CSNK1G1: variants seen among roughly 807,000 people sequenced by gnomAD.
CSNK1G1 encodes the protein casein kinase I isoform gamma-1.
In CSNK1G1, 22 loss-of-function variants were observed where a neutral mutation model predicts 59.6. The ratio of observed to expected loss-of-function variants is 0.37; its 90% CI spans 0.26 to 0.53. The LOEUF (loss-of-function observed/expected upper bound fraction) is 0.53, where lower values mean the gene tolerates loss of function less well. CSNK1G1 is among the 20% of genes least tolerant of loss of function. CSNK1G1 has a pLI of 0.89. For synonymous variants in CSNK1G1, 179 were observed against 177.1 expected (o/e 1.01, Z -0.08); for missense variants, 384 against 519.5 (o/e 0.74, Z 2.54).
At chr15:64,326,291 G>T (rs1896830553) in intron 1 of CSNK1G1, among the ~76,000 whole-genome samples, 1 of 152,144 alleles carries the variant, frequency 6.6e-6, no homozygotes, top group African/African-American at 2.4e-5. Context: ...CTCCCAAAGT[G>T]CTGGAATTAT....
intron 10 of CSNK1G1, chr15:64,194,163 T>C (rs2082009049): frequency 6.6e-6 from 1 of 152,076 alleles, no homozygotes; most frequent in African/African-American, 2.4e-5. Flanking sequence ...CCAGGAGGAG[T>C]GTGCAATCTC....
chr15:64,213,918 A>G lies in CSNK1G1; in HGVS notation c.651T>C (p.Tyr217=), dbSNP rs149780928. Residue 217 remains tyrosine, a synonymous_variant, in exon 6 of 12, where the codon TAT becomes TAC. Transcript: ENST00000303052. The part of the protein sequence containing the change: ...EHKSLTGTAR[Y]MSINTHLGKE... ...TGCCAAGATGCGTGTTGATAGACAT[A>G]TATCTTGCAGTTCCAGTTAAACTTT... The G allele has an allele frequency of 3.7e-5, 59 of 1,613,958 alleles. No individual in the cohort carries two copies. The African/African-American group carries it at 6.3e-4, about 17-fold the overall frequency.
intron 1 of CSNK1G1, among the ~76,000 whole-genome samples, chr15:64,317,519 A>G (rs1480226620): frequency 3.0e-5 from 4 of 134,026 alleles, no homozygotes; most frequent in Non-Finnish European, 3.2e-5. Context: ...CATCAAAGTG[A>G]TAAGGTTTCT....
intron 5 of CSNK1G1, among the ~76,000 whole-genome samples, chr15:64,215,427 T>C (rs1716780187): frequency 6.6e-6 from 1 of 151,918 alleles, no homozygotes; most frequent in Non-Finnish European, 1.5e-5. Flanking sequence ...TTAGCCAGGA[T>C]GGTCTCGATC....
chr15:64,235,876 G>A (rs2082607348), intron 4 of CSNK1G1, among the ~76,000 whole-genome samples: 1 of 151,970 alleles, frequency 6.6e-6, no homozygotes, highest in Admixed American at 6.6e-5. Context: ...GACGGTTAAG[G>A]GAAGAAAGAG....
At chr15:64,183,738 CTT>C (rs917788710) in intron 10 of CSNK1G1, among the ~76,000 whole-genome samples, 35 of 141,564 alleles carry the variant, frequency 2.5e-4, no homozygotes, top group Admixed American at 3.5e-4. Context: ...TTATGTTTTT[CTT>C]TTTTTTTTTT....
At chr15:64,287,808 C>A (rs1025164022) in intron 2 of CSNK1G1, among the ~76,000 whole-genome samples, 1 of 152,010 alleles carries the variant, frequency 6.6e-6, no homozygotes, top group Non-Finnish European at 1.5e-5. Context: ...AAATGCCCTG[C>A]TGAAATAAAA....
chr15:64,324,342 C>T (rs1896728132), intron 1 of CSNK1G1, among the ~76,000 whole-genome samples: 1 of 152,160 alleles, frequency 6.6e-6, no homozygotes, highest in African/African-American at 2.4e-5. Context: ...GAGAGGCAGA[C>T]CCACCCTTAA....
At chr15:64,320,061 C>T (rs556723443) in intron 1 of CSNK1G1, among the ~76,000 whole-genome samples, 1 of 151,310 alleles carries the variant, frequency 6.6e-6, no homozygotes, top group South Asian at 2.1e-4. Flanking sequence ...AGCACCATGA[C>T]ATCTGGCTAA....
intron 10 of CSNK1G1, among the ~76,000 whole-genome samples, chr15:64,184,839 G>A (rs1381152241): frequency 6.6e-6 from 1 of 152,092 alleles, no homozygotes; most frequent in Non-Finnish European, 1.5e-5. Context: ...CTGTTTTGAC[G>A]TTCAGACCTG....
In CSNK1G1 at chr15:64,176,766, T is replaced by C. The variant is rs1267361057; in HGVS notation, c.1214+3582A>G. 6.6e-6 allele frequency among the ~76,000 whole-genome samples: 1 copy of C among 152,166 alleles called. No homozygotes were observed. The highest frequency in any genetic ancestry group is 2.4e-5 in the African/African-American group (1 of 41,446). On this transcript the variant is annotated intron_variant, in intron 11 of 11. Coordinates refer to ENST00000303052, the MANE Select transcript of CSNK1G1 (RefSeq NM_022048.5). This position sits in a 1 kb window ranked among gnomAD's most constrained non-coding sequence, Gnocchi z 5.2. ...CTTTGTGCAAGTCCAACATGCCTGATCAAAGCAGCTAGCAGTTAGCTCTTC... is the reference window on the plus strand; with the variant it reads ...CTTTGTGCAAGTCCAACATGCCTGACCAAAGCAGCTAGCAGTTAGCTCTTC...
At chr15:64,253,328 G>C (rs897134359) in intron 3 of CSNK1G1, among the ~76,000 whole-genome samples, 3 of 152,130 alleles carry the variant, frequency 2.0e-5, no homozygotes, top group African/African-American at 7.2e-5. Context: ...CTGGGCGACA[G>C]AGTGAGACCT....
chr15:64,285,873 A>C (rs886198988), intron 2 of CSNK1G1, among the ~76,000 whole-genome samples: 4 of 152,018 alleles, frequency 2.6e-5, no homozygotes, highest in African/African-American at 9.7e-5. Flanking sequence ...AAAAAAAAAA[A>C]CGATGACTTG....
chr15:64,262,054 A>G (rs549687790), intron 2 of CSNK1G1, among the ~76,000 whole-genome samples: 6 of 152,324 alleles, frequency 3.9e-5, no homozygotes, highest in African/African-American at 1.4e-4. Flanking sequence ...TTATGACCTG[A>G]TAAGATCTGT....
chr15:64,301,169 C>T (rs1390435098), intron 1 of CSNK1G1, among the ~76,000 whole-genome samples: 9 of 152,156 alleles, frequency 5.9e-5, no homozygotes, highest in Non-Finnish European at 1.3e-4. Flanking sequence ...ATTTACCAAG[C>T]ACTAGCAAGA....
chr15:64,339,123 A>T (rs898486663), intron 1 of CSNK1G1, among the ~76,000 whole-genome samples: 5 of 152,202 alleles, frequency 3.3e-5, no homozygotes, highest in Non-Finnish European at 5.9e-5. Flanking sequence ...ATTAGCAGTT[A>T]CAAGGGATAC....
At chr15:64,272,122 T>C (rs1219292727) in intron 2 of CSNK1G1, among the ~76,000 whole-genome samples, 1 of 152,208 alleles carries the variant, frequency 6.6e-6, no homozygotes, top group African/African-American at 2.4e-5. Context: ...TCCATCCTTT[T>C]ATTTTGAGCC....
Position 64,226,309 on chromosome 15 carries a change from C to T in CSNK1G1, c.293-9596G>A, listed in dbSNP as rs530901541. On this transcript the variant is annotated intron_variant, in intron 4 of 11. Transcript: ENST00000303052. ...GTGTGGTGGCTCACGCCTGTAATCC[C>T]AGCACTTTGGGAGGCCAAGGTGTAT... is the stretch of plus-strand genomic sequence containing the variant. Among the ~76,000 whole-genome samples the T allele has an allele frequency of 2.6e-5, 4 of 152,224 alleles. No individual in the cohort carries two copies. The South Asian group carries it at 6.2e-4, about 24-fold the overall frequency.
Position 64,217,234 on chromosome 15 carries a change from C to CT in CSNK1G1, c.293-522dup, listed in dbSNP as rs756614186. ...GCAGCCTGGCCCCAGGCCAGCACAA[C>CT]TGGCCCTCTTTTCACAGGGAGTCTC... On this transcript the variant is annotated intron_variant, in intron 4 of 11. Transcript: ENST00000303052. 6.4e-4 allele frequency among the ~76,000 whole-genome samples: 97 copies of CT among 152,336 alleles called. 1 individual carries two copies. The Middle Eastern group carries it at 0.01, about 16-fold the overall frequency.
Sources: gnomAD v4.1 joint callset for allele counts (sites outside exome capture counted in the v4.1 genomes callset) on GRCh38, gnomAD v4.1.1 for gene constraint, Gnocchi (gnomAD v3.1) non-coding constraint, MANE v1.5 for transcripts, NCBI Gene and HGNC (gene_info 2026-07-23, HGNC 2026-07-21) for gene names.